The following NCK2 variants were observed in gnomAD, a reference collection of about 807,000 sequenced individuals.
NCK2 encodes the protein NCK adaptor protein 2.
In NCK2, 16 loss-of-function variants were observed where a neutral mutation model predicts 33.9. The ratio of observed to expected loss-of-function variants is 0.47; its 90% CI spans 0.32 to 0.72. NCK2 has a LOEUF of 0.72. Ranked by LOEUF, NCK2 falls within the 30% of genes least tolerant of loss-of-function variation. The pLI is 0.03. For missense variants in NCK2, 418 were observed against 537.3 expected (o/e 0.78, Z 2.19); for synonymous variants, 273 against 239.9 (o/e 1.14, Z -1.27).
chr2:105,889,102 T>C (rs1438498200), intron 4 of NCK2, among the ~76,000 whole-genome samples: 2 of 152,344 alleles, frequency 1.3e-5, no homozygotes, highest in Admixed American at 6.5e-5. Flanking sequence ...GTTGCTTTCA[T>C]GGGAATCATT....
chr2:105,842,573 G>C (rs1286515400), intron 2 of NCK2, among the ~76,000 whole-genome samples: 1 of 152,014 alleles, frequency 6.6e-6, no homozygotes, highest in African/African-American at 2.4e-5. Context: ...TTTCCCCTTG[G>C]TCCTTTTGGC....
intron 2 of NCK2, among the ~76,000 whole-genome samples, chr2:105,831,771 T>C (rs1393698545): frequency 6.6e-6 from 1 of 152,214 alleles, no homozygotes; most frequent in African/African-American, 2.4e-5. Flanking sequence ...TTTATGCCAA[T>C]ACGATGCTGT....
At chr2:105,812,409 A>C (rs1675321943) in intron 1 of NCK2, among the ~76,000 whole-genome samples, 1 of 152,182 alleles carries the variant, frequency 6.6e-6, no homozygotes. Context: ...GCCTTTTCCC[A>C]CTTGAATAAG....
intron 3 of NCK2, among the ~76,000 whole-genome samples, chr2:105,868,593 G>A (rs1191961100): frequency 1.3e-5 from 2 of 152,210 alleles, no homozygotes; most frequent in Non-Finnish European, 2.9e-5. Flanking sequence ...GCTAATTGAA[G>A]TTGACTAAAT....
At chr2:105,773,667 G>A (rs1690208510) in intron 1 of NCK2, among the ~76,000 whole-genome samples, 1 of 151,892 alleles carries the variant, frequency 6.6e-6, no homozygotes, top group African/African-American at 2.4e-5. Context: ...TTTTTTCTTT[G>A]GAAGACTTGA....
intron 3 of NCK2, among the ~76,000 whole-genome samples, chr2:105,864,534 G>A (rs1677673441): frequency 1.3e-5 from 2 of 152,224 alleles, no homozygotes; most frequent in South Asian, 4.2e-4. Flanking sequence ...TCAGTAGGAT[G>A]CAGAGAAGGC....
chr2:105,781,537 A>G (rs762486458), intron 1 of NCK2, among the ~76,000 whole-genome samples: 1 of 152,254 alleles, frequency 6.6e-6, no homozygotes, highest in Non-Finnish European at 1.5e-5. Context: ...CTAGCAGTTA[A>G]GATCTGGTTT....
Position 105,806,684 on chromosome 2 carries a change from A to G in NCK2, c.-200-9746A>G, listed in dbSNP as rs1675057142. Among the ~76,000 whole-genome samples, 3 of 151,400 alleles carry G rather than the reference A, an allele frequency of 2.0e-5. No individual in the cohort carries two copies. The South Asian group carries it at 6.4e-4, about 32-fold the overall frequency. ...TCATTTATGGGACACTGTAATATCT[A>G]TGTGAATATCTGCTACTTAATGAGG... is the stretch of plus-strand genomic sequence containing the variant. On this transcript the variant is annotated intron_variant, in intron 1 of 4. Transcript: ENST00000233154.
intron 2 of NCK2, among the ~76,000 whole-genome samples, chr2:105,833,000 CTTTTTT>C (rs35726815): frequency 7.6e-6 from 1 of 132,134 alleles, no homozygotes; most frequent in African/African-American, 2.8e-5. Flanking sequence ...TGTTGGGAGA[CTTTTTT>C]TTTTTTTTTT....
intron 2 of NCK2, among the ~76,000 whole-genome samples, chr2:105,835,400 T>TAC (rs1317990393): frequency 2.7e-5 from 2 of 73,020 alleles, no homozygotes; most frequent in Non-Finnish European, 3.4e-5. Flanking sequence ...TATATATATA[T>TAC]ATATACGTGT....
chr2:105,833,415 A>G (rs1041040417), intron 2 of NCK2, among the ~76,000 whole-genome samples: 1 of 152,006 alleles, frequency 6.6e-6, no homozygotes, highest in Non-Finnish European at 1.5e-5. Context: ...TTTCTGCTTC[A>G]TTGTCAGCAA....
intron 1 of NCK2, among the ~76,000 whole-genome samples, chr2:105,755,303 A>G (rs578209424): frequency 6.6e-6 from 1 of 152,314 alleles, no homozygotes; most frequent in East Asian, 1.9e-4. Context: ...GGTGTCAGAC[A>G]TCGTGCTGTT....
chr2:105,758,704 G>T (rs540771868), intron 1 of NCK2, among the ~76,000 whole-genome samples: 1 of 152,044 alleles, frequency 6.6e-6, no homozygotes, highest in South Asian at 2.1e-4. Context: ...CACTGAGCCC[G>T]TCCCGTTTTT....
At chr2:105,807,710 C>CTTCCTTCCTTCCTTCCTTCT (rs1173165328) in intron 1 of NCK2, among the ~76,000 whole-genome samples, 15 of 119,132 alleles carry the variant, frequency 1.3e-4, no homozygotes, top group Non-Finnish European at 2.4e-4. Context: ...TTCTTTTTTC[C>CTTCCTTCCTTCCTTCCTTCT]TTCCTTCCTT....
At chr2:105,848,490 G>A (rs2104567337) in intron 2 of NCK2, 1 of 152,296 alleles carries the variant, frequency 6.6e-6, no homozygotes, top group African/African-American at 2.4e-5. Context: ...CTGAGCAAAG[G>A]TCTTACTGAC....
chr2:105,872,994 G>T (rs1462110089), intron 3 of NCK2, among the ~76,000 whole-genome samples: 1 of 152,146 alleles, frequency 6.6e-6, no homozygotes. Context: ...CCCTGGTTGG[G>T]GCCAGACCAG....
At chr2:105,832,256 C>A (rs1023630455) in intron 2 of NCK2, among the ~76,000 whole-genome samples, 1 of 152,178 alleles carries the variant, frequency 6.6e-6, no homozygotes, top group Non-Finnish European at 1.5e-5. Context: ...GATCTGTTTA[C>A]CAATTCTACA....
intron 1 of NCK2, among the ~76,000 whole-genome samples, chr2:105,758,308 A>C (rs1689656418): frequency 6.6e-6 from 1 of 152,066 alleles, no homozygotes; most frequent in Admixed American, 6.5e-5. Flanking sequence ...TCCTGTGCAC[A>C]CATTTTACAG....
chr2:105,860,135 A>T (rs897121300), intron 3 of NCK2, among the ~76,000 whole-genome samples: 7 of 152,206 alleles, frequency 4.6e-5, no homozygotes, highest in East Asian at 3.9e-4. Context: ...AAAATTTTTT[A>T]AAAAATAGAG....
Sources: gnomAD v4.1 joint callset for allele counts (sites outside exome capture counted in the v4.1 genomes callset) on GRCh38, gnomAD v4.1.1 for gene constraint, MANE v1.5 for transcripts, NCBI Gene and HGNC (gene_info 2026-07-23, HGNC 2026-07-21) for gene names.